Variants in ROBO2 observed in about 807,000 individuals in gnomAD.
ROBO2 encodes roundabout guidance receptor 2.
Under a neutral mutation model 160.8 loss-of-function variants are expected in ROBO2, and 53 were observed. The ratio of observed to expected loss-of-function variants is 0.33; its 90% confidence interval spans 0.26 to 0.41. The LOEUF is 0.41. ROBO2 is among the 10% of genes least tolerant of loss of function. The pLI, the probability that ROBO2 is intolerant of heterozygous loss-of-function variation, is 1.00. For missense variants in ROBO2, 1,577 were observed against 1,722.4 expected (o/e 0.92, Z 1.49); for synonymous variants, 664 against 611.7 (o/e 1.09, Z -1.26).
chr3:77,494,288 A>C (rs924643093), intron 5 of ROBO2, among the ~76,000 whole-genome samples: 7 of 151,934 alleles, frequency 4.6e-5, no homozygotes, highest in Non-Finnish European at 1.0e-4. Context: ...TTTAAAAAAA[A>C]TTTTTTGGCT....
chr3:76,960,173 T>C (rs1027462732), intron 2 of ROBO2, among the ~76,000 whole-genome samples: 2 of 150,924 alleles, frequency 1.3e-5, no homozygotes, highest in African/African-American at 5.0e-5. Flanking sequence ...GAGGTTAAGA[T>C]GCAAAATCTT....
chr3:75,967,710 A>G (rs1392915841), intron 2 of ROBO2, among the ~76,000 whole-genome samples: 1 of 151,540 alleles, frequency 6.6e-6, no homozygotes, highest in African/African-American at 2.4e-5. Flanking sequence ...TTTAATGCAT[A>G]GTTACCATGC....
At chr3:77,190,116 T>G (rs538574610) in intron 2 of ROBO2, among the ~76,000 whole-genome samples, 2 of 151,972 alleles carry the variant, frequency 1.3e-5, no homozygotes, top group Non-Finnish European at 2.9e-5. Context: ...TCTGTAGTAA[T>G]ATAGTATTTT....
At position 76,992,814 on chromosome 3, in the gene ROBO2, T is replaced by A. The variant is rs572609360; in HGVS notation, c.110-105200T>A. On this transcript the variant is annotated intron_variant, in intron 2 of 26. Transcript: ENST00000487694. ...CATTCTAAAACATAAAAAGTCAAAG[T>A]TTTACTTTTTTAATTTTTTTTGAGA... Among the ~76,000 whole-genome samples, 321 of 151,948 alleles carry A rather than the reference T, an allele frequency of 2.1e-3. 1 individual carries two copies. Among genetic ancestry groups the A allele is most frequent in the African/African-American group, 7.4e-3 (307 of 41,450 alleles).
chr3:76,494,359 C>T (rs572517248), intron 2 of ROBO2, among the ~76,000 whole-genome samples: 1 of 152,234 alleles, frequency 6.6e-6, no homozygotes, highest in Admixed American at 6.5e-5. Flanking sequence ...TTTTACATGA[C>T]ACAGGAGTCT....
intron 2 of ROBO2, among the ~76,000 whole-genome samples, chr3:77,240,987 G>A (rs2088953018): frequency 6.6e-6 from 1 of 152,144 alleles, no homozygotes; most frequent in Non-Finnish European, 1.5e-5. Flanking sequence ...TATTTTTTCT[G>A]ATGATTAGCC....
intron 2 of ROBO2, among the ~76,000 whole-genome samples, chr3:76,144,203 GCA>G (rs761025935): frequency 6.6e-6 from 1 of 151,772 alleles, no homozygotes; most frequent in Non-Finnish European, 1.5e-5. Flanking sequence ...ATACACTCAT[GCA>G]CACACACACA....
At chr3:76,309,461 GACAA>G (rs1236594791) in intron 2 of ROBO2, among the ~76,000 whole-genome samples, 3 of 151,788 alleles carry the variant, frequency 2.0e-5, no homozygotes, top group Non-Finnish European at 4.4e-5. Flanking sequence ...AATTTTTTTT[GACAA>G]ACATAGTTTC....
chr3:77,596,509 T>G, intron 18 of ROBO2, 114 bp from the exon 20 acceptor site: 2 of 1,295,636 alleles, frequency 1.5e-6, no homozygotes, highest in Admixed American at 1.7e-5. Flanking sequence ...CTACTTATAT[T>G]AATTTGAAGT....
At chr3:77,069,947 T>C (rs997211766) in intron 1 of ROBO2, among the ~76,000 whole-genome samples, 2 of 152,128 alleles carry the variant, frequency 1.3e-5, no homozygotes, top group African/African-American at 4.8e-5. Context: ...AATAAGGTCT[T>C]TACAGAGAGA....
chr3:77,055,472 T>G (rs941816555), intron 1 of ROBO2, among the ~76,000 whole-genome samples: 1 of 152,134 alleles, frequency 6.6e-6, no homozygotes, highest in Non-Finnish European at 1.5e-5. Flanking sequence ...GAAATAGAGG[T>G]GCTGGAAAAG....
intron 2 of ROBO2, among the ~76,000 whole-genome samples, chr3:76,706,829 T>C (rs895400198): frequency 1.3e-5 from 2 of 152,224 alleles, no homozygotes; most frequent in East Asian, 3.9e-4. Flanking sequence ...AATAAATAGA[T>C]GACAGCTTCT....
chr3:77,479,864 C>G (rs1317935520), intron 3 of ROBO2, among the ~76,000 whole-genome samples: 1 of 152,140 alleles, frequency 6.6e-6, no homozygotes, highest in East Asian at 1.9e-4. Flanking sequence ...TTCCAGCAGG[C>G]TAGTTCAGTC....
intron 2 of ROBO2, among the ~76,000 whole-genome samples, chr3:77,154,000 G>T (rs942275992): frequency 6.6e-6 from 1 of 151,736 alleles, no homozygotes; most frequent in South Asian, 2.1e-4. Context: ...TTTAGTTCTG[G>T]CTCTGCCAAT....
intron 1 of ROBO2, among the ~76,000 whole-genome samples, chr3:77,073,098 T>C (rs1257602724): frequency 1.3e-5 from 2 of 152,306 alleles, no homozygotes; most frequent in Non-Finnish European, 2.9e-5. Flanking sequence ...TTAATAGATA[T>C]GAAAACAATT....
intron 2 of ROBO2, among the ~76,000 whole-genome samples, chr3:77,152,420 G>A (rs2077624873): frequency 6.6e-6 from 1 of 152,066 alleles, no homozygotes; most frequent in Admixed American, 6.6e-5. Flanking sequence ...TTGAAACCCA[G>A]TGCATACTTA....
At chr3:76,526,847 G>T (rs1397272499) in intron 2 of ROBO2, among the ~76,000 whole-genome samples, 3 of 152,008 alleles carry the variant, frequency 2.0e-5, no homozygotes, top group African/African-American at 7.2e-5. Flanking sequence ...GAAGTTAACA[G>T]AATATGTCAC....
At chr3:77,438,419 A>G (rs1302155232) in intron 2 of ROBO2, among the ~76,000 whole-genome samples, 2 of 151,758 alleles carry the variant, frequency 1.3e-5, no homozygotes, top group Non-Finnish European at 2.9e-5. Context: ...TTTTATATAT[A>G]TATGGAAAGA....
At chr3:77,092,062 C>T (rs916883790) in intron 1 of ROBO2, 3 of 151,248 alleles carry the variant, frequency 2.0e-5, no homozygotes, top group African/African-American at 7.3e-5. Context: ...TCTTAGTGTT[C>T]ACTTCGGCAG....
Sources: gnomAD v4.1 joint callset for allele counts (sites outside exome capture counted in the v4.1 genomes callset) on GRCh38, gnomAD v4.1.1 for gene constraint, MANE v1.5 for transcripts, NCBI Gene and HGNC (gene_info 2026-07-23, HGNC 2026-07-21) for gene names.